The following DMD variants were observed in gnomAD, a reference collection of about 807,000 sequenced individuals.
The protein encoded by DMD is dystrophin.
DMD carries 63 observed loss-of-function variants against 330.1 expected under a neutral mutation model. That is an observed-to-expected ratio of 0.19 (90% CI 0.16 to 0.24). The LOEUF (loss-of-function observed/expected upper bound fraction) is 0.24. Ranked by LOEUF, DMD falls within the 10% of genes least tolerant of loss-of-function variation. DMD has a pLI of 1.00. For synonymous variants in DMD, 1,223 were observed against 959.8 expected (o/e 1.27, Z -5.07); for missense variants, 3,344 against 2,684.1 (o/e 1.25, Z -5.43).
chrX:31,649,836 C>T (rs2080341291), intron 54 of DMD, among the ~76,000 whole-genome samples: 1 of 111,364 alleles, frequency 9.0e-6, no homozygotes, highest in Admixed American at 9.6e-5. Context: ...TTTTAACATA[C>T]CAAATCCTCT....
chrX:31,340,742 C>T (rs1327122406), intron 61 of DMD, among the ~76,000 whole-genome samples: 1 of 111,961 alleles, frequency 8.9e-6, no homozygotes, highest in African/African-American at 3.2e-5. Context: ...AATCTCATGC[C>T]TCTGTGTATT....
intron 44 of DMD, among the ~76,000 whole-genome samples, chrX:32,073,674 A>G (rs2096319171): frequency 8.9e-6 from 1 of 111,828 alleles, no homozygotes; most frequent in African/African-American, 3.2e-5. Context: ...TATTTAAAAC[A>G]AATATACTTT....
At chrX:31,997,525 A>T (rs187813045) in intron 44 of DMD, among the ~76,000 whole-genome samples, 1 of 110,118 alleles carries the variant, frequency 9.1e-6, no homozygotes, top group East Asian at 2.9e-4. Context: ...TGAGTAAATT[A>T]AGGATACTTT....
chrX:32,708,806 G>T (rs1207209631), intron 7 of DMD, among the ~76,000 whole-genome samples: 4 of 111,607 alleles, frequency 3.6e-5, no homozygotes, highest in African/African-American at 1.3e-4. Flanking sequence ...TGGTGTCATG[G>T]TGGTATCATA....
chrX:32,691,936 T>C (rs2063311200), intron 9 of DMD, among the ~76,000 whole-genome samples: 2 of 111,545 alleles, frequency 1.8e-5, no homozygotes, highest in Non-Finnish European at 3.8e-5. Flanking sequence ...ATTCTACTTA[T>C]AAGAGGTATG....
chrX:31,511,312 TTTTATTTATTTA>T (rs763976919), intron 55 of DMD, among the ~76,000 whole-genome samples: 6 of 100,087 alleles, frequency 6.0e-5, no homozygotes, highest in Admixed American at 5.6e-4. Context: ...ACTCATCATT[TTTTATTTATTTA>T]TTTATTTATT....
intron 55 of DMD, among the ~76,000 whole-genome samples, chrX:31,605,504 G>C: frequency 9.0e-6 from 1 of 111,648 alleles, no homozygotes; most frequent in Non-Finnish European, 1.9e-5. Context: ...TGGATAAATG[G>C]GAAAGTATAA....
intron 59 of DMD, among the ~76,000 whole-genome samples, chrX:31,450,667 G>T (rs748769431): frequency 1.5e-3 from 166 of 112,195 alleles, no homozygotes; most frequent in African/African-American, 5.2e-3. Context: ...AGCAGAGTCT[G>T]AGTGCTCTTA....
At chrX:33,268,907 C>CAAAAAAAAAAAAAAAAAAAAAAAAAA (rs202219233) in intron 1 of DMD, among the ~76,000 whole-genome samples, 1 of 43,317 alleles carries the variant, frequency 2.3e-5, no homozygotes, top group Non-Finnish European at 5.3e-5. Context: ...GCCTGGGTGA[C>CAAAAAAAAAAAAAAAAAAAAAAAAAA]AAAAAAAAAA....
intron 17 of DMD, among the ~76,000 whole-genome samples, chrX:32,544,882 T>A (rs2048823774): frequency 9.0e-6 from 1 of 110,856 alleles, no homozygotes; most frequent in Non-Finnish European, 1.9e-5. Flanking sequence ...CTTTTAGGAT[T>A]AAAATGCTAC....
chrX:31,624,140 T>C (rs1286935430), intron 55 of DMD, among the ~76,000 whole-genome samples: 1 of 111,835 alleles, frequency 8.9e-6, no homozygotes, highest in Non-Finnish European at 1.9e-5. Flanking sequence ...AAAGGATAAA[T>C]CTGCAATTTA....
At chrX:32,172,370 T>G (rs1273659130) in intron 44 of DMD, among the ~76,000 whole-genome samples, 1 of 112,208 alleles carries the variant, frequency 8.9e-6, no homozygotes, top group East Asian at 2.8e-4. Context: ...GTGTTAAATA[T>G]TTGTCATTCA....
intron 1 of DMD, among the ~76,000 whole-genome samples, chrX:33,161,142 G>A (rs1401165882): frequency 8.9e-6 from 1 of 111,932 alleles, no homozygotes; most frequent in African/African-American, 3.3e-5. Flanking sequence ...AGGAAATTGA[G>A]TCTCAGTATA....
chrX:33,049,269 A>G (rs970920792), intron 1 of DMD, among the ~76,000 whole-genome samples: 4 of 111,871 alleles, frequency 3.6e-5, no homozygotes, highest in African/African-American at 9.7e-5. Flanking sequence ...CCTGGAATGT[A>G]TTTAGGTTTG....
chrX:31,325,249 T>C (rs1380344348), intron 61 of DMD, among the ~76,000 whole-genome samples: 1 of 109,897 alleles, frequency 9.1e-6, no homozygotes, highest in Non-Finnish European at 1.9e-5. Flanking sequence ...TTTTCTTCTG[T>C]AGGATGCAGC....
intron 2 of DMD, among the ~76,000 whole-genome samples, chrX:32,888,582 T>C (rs1022959824): frequency 9.0e-6 from 1 of 111,361 alleles, no homozygotes; most frequent in Non-Finnish European, 1.9e-5. Flanking sequence ...GGTACAGCCA[T>C]TATGGAAAAC....
At chrX:31,224,157 C>T (rs1240975852) in intron 63 of DMD, among the ~76,000 whole-genome samples, 1 of 112,106 alleles carries the variant, frequency 8.9e-6, no homozygotes, top group African/African-American at 3.2e-5. Context: ...GTCATTTTTC[C>T]TAGCAACTTA....
chrX:31,160,154 G>A (rs1330267701), intron 74 of DMD, among the ~76,000 whole-genome samples: 3 of 110,743 alleles, frequency 2.7e-5, no homozygotes, highest in Admixed American at 9.6e-5. Flanking sequence ...AAGAACTCCC[G>A]ATAGCAAGTT....
intron 12 of DMD, among the ~76,000 whole-genome samples, chrX:32,610,230 A>C (rs1375766559): frequency 1.8e-5 from 2 of 111,225 alleles, no homozygotes; most frequent in Non-Finnish European, 3.8e-5. Context: ...GGGTGCCTCA[A>C]AGCTAAAGCA....
Sources: allele counts gnomAD v4.1 joint callset (sites outside exome capture counted in the v4.1 genomes callset), GRCh38; gene constraint gnomAD v4.1.1; transcripts MANE v1.5; gene names NCBI Gene and HGNC (gene_info 2026-07-23, HGNC 2026-07-21).